The following TRAF3IP2 variants were observed in gnomAD, a reference collection of about 807,000 sequenced individuals.
TRAF3IP2 encodes TRAF3 interacting protein 2.
Under a neutral mutation model 57.9 loss-of-function variants are expected in TRAF3IP2, and 35 were observed. The ratio of observed to expected loss-of-function variants is 0.60; its 90% CI spans 0.46 to 0.80. TRAF3IP2 has a LOEUF of 0.80. Ranked by LOEUF, TRAF3IP2 falls within the 30% of genes least tolerant of loss-of-function variation. The pLI, the probability that TRAF3IP2 is intolerant of heterozygous loss-of-function variation, is 0.00. For synonymous variants in TRAF3IP2, 251 were observed against 268.9 expected, an observed-to-expected ratio of 0.93 and a Z score of 0.65; for missense variants, 556 against 706.4, an observed-to-expected ratio of 0.79 and a Z score of 2.41.
intron 6 of TRAF3IP2, chr6:111,566,942 C>T: frequency 5.8e-6 from 2 of 342,434 alleles, no homozygotes; most frequent in Non-Finnish European, 5.6e-6. Context: ...CCAGTCACTG[C>T]ACTCGACTGC....
rs1795259046 is a variant in TRAF3IP2, at chr6:111,556,963, C to A, written c.*2442G>T. 6.6e-6 allele frequency: 1 copy of A among 152,094 alleles called. No homozygotes were observed. Among genetic ancestry groups the A allele is most frequent in the Non-Finnish European group, 1.5e-5 (1 of 68,078 alleles). The allele number at this position is 152,094 out of a possible 1,614,324, so 9.4% of individuals were successfully genotyped here. ...ACAACATGGCAAAACCCTGTCTCTA[C>A]AAAAAATACAAAAATTAACCAAGCA... On this transcript the variant is annotated 3_prime_UTR_variant, in exon 9 of 9. Coordinates refer to ENST00000368761, the MANE Select transcript of TRAF3IP2 (RefSeq NM_147686.4).
chr6:111,565,134 G>A (rs1156726451), intron 7 of TRAF3IP2: 1 of 152,260 alleles, frequency 6.6e-6, no homozygotes, highest in African/African-American at 2.4e-5. Flanking sequence ...TCTTCCTTCA[G>A]TTTGGTTGTG....
At chr6:111,563,634 T>C (rs1419221477) in intron 7 of TRAF3IP2, among the ~76,000 whole-genome samples, 1 of 152,148 alleles carries the variant, frequency 6.6e-6, no homozygotes, top group Non-Finnish European at 1.5e-5. Flanking sequence ...GAGGGTTCAT[T>C]TGGGCACTGA....
At chr6:111,587,709 A>C (rs1796382843) in intron 2 of TRAF3IP2, among the ~76,000 whole-genome samples, 1 of 152,188 alleles carries the variant, frequency 6.6e-6, no homozygotes, top group Admixed American at 6.5e-5. Context: ...TTTAAAAAAT[A>C]AACATGGATG....
chr6:111,578,757 CT>C (rs1335008755), intron 3 of TRAF3IP2, among the ~76,000 whole-genome samples: 4 of 148,066 alleles, frequency 2.7e-5, no homozygotes, highest in African/African-American at 9.7e-5. Flanking sequence ...ATAAAGTGGG[CT>C]TTTTTTCTTT....
At position 111,556,666 on chromosome 6, in the gene TRAF3IP2, T is replaced by C. The variant is rs1387279330; in HGVS notation, c.*2739A>G. ...GTCTTACAAATGAGTACTTATGTTA[T>C]GCTAGTTTTTCTTCTCTTTTCCTAT... On this transcript the variant is annotated 3_prime_UTR_variant, in exon 9 of 9. Coordinates refer to ENST00000368761, the MANE Select transcript of TRAF3IP2 (RefSeq NM_147686.4). 1.3e-5 allele frequency: 2 copies of C among 152,252 alleles called. No individual in the cohort carries two copies. The highest frequency in any genetic ancestry group is 2.9e-5 in the Non-Finnish European group (2 of 68,036). The allele number at this position is 152,252 out of a possible 1,614,324, so 9.4% of individuals were successfully genotyped here. A position where few individuals can be genotyped will look rare whatever the true frequency, so the allele number is the denominator to read the frequency against.
chr6:111,580,823 C>T (rs1296097850), intron 2 of TRAF3IP2, among the ~76,000 whole-genome samples: 1 of 152,234 alleles, frequency 6.6e-6, no homozygotes, highest in Admixed American at 6.5e-5. Context: ...ATTTTCCTCC[C>T]CCAAGTGGAC....
At chr6:111,562,280 T>C (rs1161768622) in intron 8 of TRAF3IP2, among the ~76,000 whole-genome samples, 1 of 152,218 alleles carries the variant, frequency 6.6e-6, no homozygotes, top group African/African-American at 2.4e-5. Context: ...AGAGCTGAAC[T>C]ATGTGCAATG....
At chr6:111,600,504 C>A (rs1203665854) in intron 1 of TRAF3IP2, 1 of 152,224 alleles carries the variant, frequency 6.6e-6, no homozygotes, top group Non-Finnish European at 1.5e-5. Context: ...GCCTTTAGAT[C>A]TCCAAGCTCT....
At chr6:111,594,863 C>CAG (rs1796630942) in intron 1 of TRAF3IP2, among the ~76,000 whole-genome samples, 1 of 152,018 alleles carries the variant, frequency 6.6e-6, no homozygotes, top group South Asian at 2.1e-4. Context: ...CTGCAGTGAG[C>CAG]CGAGATCGTG....
chr6:111,573,689 G>A (rs1795898238), intron 4 of TRAF3IP2: 1 of 152,154 alleles, frequency 6.6e-6, no homozygotes, highest in Non-Finnish European at 1.5e-5. Context: ...AGTACAGTTT[G>A]GATAAGCTTT....
In TRAF3IP2 at chr6:111,596,100, G is replaced by A. The variant is rs143740476; in HGVS notation, c.-8-4006C>T. On this transcript the variant is annotated intron_variant, in intron 1 of 8. Transcript: ENST00000368761. ...TCACCTCAGGGAGGTCTCCCTGGTC[G>A]CACTCCCTAAAATGTTTACACTCTC... 3.6e-4 allele frequency among the ~76,000 whole-genome samples: 55 copies of A among 152,042 alleles called. 1 individual carries two copies. Among genetic ancestry groups the A allele is most frequent in the East Asian group, 3.9e-4 (2 of 5,158 alleles).
chr6:111,585,465 C>T (rs764285417), intron 2 of TRAF3IP2, among the ~76,000 whole-genome samples: 1 of 152,158 alleles, frequency 6.6e-6, no homozygotes, highest in Non-Finnish European at 1.5e-5. Context: ...TATTGAACCT[C>T]GATGGCCAGG....
Position 111,566,507 on chromosome 6 carries a change from T to G in TRAF3IP2, c.1413A>C (p.Glu471Asp). The change falls in exon 7 of 9, where the codon GAA becomes GAC. Residue 471 changes from glutamate to aspartate, a missense_variant. Around this residue, in one of 2 missense-constraint regions of TRAF3IP2, gnomAD observed 128 missense variants for 207.7 expected, o/e 0.62. Coordinates refer to ENST00000368761, the MANE Select transcript of TRAF3IP2 (RefSeq NM_147686.4). ...AISPKYKQDV[E>D]GAESQLDEDE... Reference sequence around the variant, plus strand: ...CCTCGTCCAGCTGCGACTCAGCGCCTTCCACGTCCTGTTTGTATTTGGGGC... The same window carrying G: ...CCTCGTCCAGCTGCGACTCAGCGCCGTCCACGTCCTGTTTGTATTTGGGGC... 6.2e-7 allele frequency: 1 copy of G among 1,614,204 alleles called. No homozygotes were observed. The highest frequency in any genetic ancestry group is 8.5e-7 in the Non-Finnish European group (1 of 1,180,020).
At chr6:111,600,952 C>A in intron 1 of TRAF3IP2, 1 of 382,530 alleles carries the variant, frequency 2.6e-6, no homozygotes, top group East Asian at 3.8e-5. Flanking sequence ...TTGTCAGACT[C>A]ATTTTACAGA....
At chr6:111,585,838 GGC>G (rs1411179589) in intron 2 of TRAF3IP2, among the ~76,000 whole-genome samples, 1 of 152,100 alleles carries the variant, frequency 6.6e-6, no homozygotes, top group Non-Finnish European at 1.5e-5. Context: ...ATCACAAATG[GGC>G]GCCCAGGACT....
intron 1 of TRAF3IP2, chr6:111,597,862 T>C (rs918990194): frequency 2.2e-6 from 1 of 455,908 alleles, no homozygotes; most frequent in Non-Finnish European, 4.4e-6. Context: ...TACGTGCTTG[T>C]AACTCTGGCA....
At chr6:111,589,157 T>G (rs947340259) in intron 2 of TRAF3IP2, among the ~76,000 whole-genome samples, 4 of 147,882 alleles carry the variant, frequency 2.7e-5, no homozygotes, top group African/African-American at 1.0e-4. Flanking sequence ...GCCTCCCAGG[T>G]TCAGGCAATT....
chr6:111,599,378 C>CTCTACTCTGCCCCGAGCTGCCTAGTTT (rs1796795790), intron 1 of TRAF3IP2, among the ~76,000 whole-genome samples: 1 of 152,166 alleles, frequency 6.6e-6, no homozygotes, highest in Non-Finnish European at 1.5e-5. Context: ...CTCTGGGCTT[C>CTCTACTCTGCCCCGAGCTGCCTAGTTT]TCTACTCTGC....
Sources: allele counts gnomAD v4.1 joint callset (sites outside exome capture counted in the v4.1 genomes callset), GRCh38; gene constraint gnomAD v4.1.1; regional missense constraint gnomAD v4.1.1; transcripts MANE v1.5; gene names NCBI Gene and HGNC (gene_info 2026-07-23, HGNC 2026-07-21).